Variants in ZFPM2 observed in about 807,000 individuals in gnomAD.
ZFPM2 encodes zinc finger protein ZFPM2.
In ZFPM2, 20 loss-of-function variants were observed where a neutral mutation model predicts 98.6. The ratio of observed to expected loss-of-function variants is 0.20; its 90% CI spans 0.14 to 0.29. The LOEUF is 0.29. Ranked by LOEUF, ZFPM2 falls within the 10% of genes least tolerant of loss-of-function variation. The pLI is 1.00. For synonymous variants in ZFPM2, 518 were observed against 502.7 expected (o/e 1.03, Z -0.41); for missense variants, 1,310 against 1,388.6 (o/e 0.94, Z 0.90).
intron 5 of ZFPM2, chr8:105,784,774 T>A (rs1482503527): frequency 7.1e-6 from 1 of 141,212 alleles, no homozygotes; most frequent in African/African-American, 3.0e-5. Flanking sequence ...GGCAGCCTGG[T>A]TCCATTGCCC....
intron 5 of ZFPM2, among the ~76,000 whole-genome samples, chr8:105,673,435 A>G (rs189306950): frequency 6.6e-6 from 1 of 152,222 alleles, no homozygotes; most frequent in East Asian, 1.9e-4. Context: ...CATGCCTATC[A>G]CATAAAATTC....
intron 1 of ZFPM2, among the ~76,000 whole-genome samples, chr8:105,377,048 C>T (rs1245116188): frequency 6.6e-6 from 1 of 152,162 alleles, no homozygotes; most frequent in East Asian, 1.9e-4. Context: ...CTTTCTCAGA[C>T]ATGCCATGTT....
intron 1 of ZFPM2, among the ~76,000 whole-genome samples, chr8:105,357,091 G>A (rs1470776910): frequency 7.2e-6 from 1 of 139,522 alleles, no homozygotes. Context: ...CTGTTCCGGT[G>A]AAGTAGTACT....
At chr8:105,461,603 T>C (rs551185765) in intron 3 of ZFPM2, among the ~76,000 whole-genome samples, 1 of 152,294 alleles carries the variant, frequency 6.6e-6, no homozygotes, top group South Asian at 2.1e-4. Flanking sequence ...AGGATTAATG[T>C]TGAGGTTGTA....
At chr8:105,602,636 T>A (rs1373960784) in intron 4 of ZFPM2, among the ~76,000 whole-genome samples, 1 of 152,126 alleles carries the variant, frequency 6.6e-6, no homozygotes, top group African/African-American at 2.4e-5. Flanking sequence ...ATGCCTGTGA[T>A]ACATATGTGT....
chr8:105,480,319 T>A (rs976281222), intron 3 of ZFPM2, among the ~76,000 whole-genome samples: 5 of 152,212 alleles, frequency 3.3e-5, no homozygotes, highest in African/African-American at 9.6e-5. Flanking sequence ...CCTTTCAGAA[T>A]CATTTCATCT....
At chr8:105,660,873 G>A (rs757158567) in intron 5 of ZFPM2, among the ~76,000 whole-genome samples, 30 of 152,054 alleles carry the variant, frequency 2.0e-4, no homozygotes, top group Admixed American at 1.9e-3. Context: ...ATCATAGAAA[G>A]CATCATATTG....
At chr8:105,732,671 C>G (rs1327818004) in intron 5 of ZFPM2, among the ~76,000 whole-genome samples, 4 of 151,812 alleles carry the variant, frequency 2.6e-5, no homozygotes, top group African/African-American at 9.7e-5. Context: ...CATTGAAAAT[C>G]TGAACAAAGC....
At position 105,444,357 on chromosome 8, in the gene ZFPM2, G is replaced by GAGA; in HGVS notation, c.278_280dup (p.Glu93_Thr94insLys). On this transcript the variant is annotated inframe_insertion, in exon 3 of 8. Coordinates refer to ENST00000407775, the MANE Select transcript of ZFPM2 (RefSeq NM_012082.4). ...AGAGAAACCGGGGCAACCTGGAGTT[G>GAGA]AGACAGACGACTGGGATGGACCAGG... is the stretch of plus-strand genomic sequence containing the variant. 2 of 1,612,186 alleles carry GAGA rather than the reference G, an allele frequency of 1.2e-6. No homozygotes were observed. The highest frequency in any genetic ancestry group is 1.7e-6 in the Non-Finnish European group (2 of 1,179,120).
At chr8:105,360,246 A>G (rs1812830912) in intron 1 of ZFPM2, among the ~76,000 whole-genome samples, 1 of 152,214 alleles carries the variant, frequency 6.6e-6, no homozygotes, top group Admixed American at 6.5e-5. Flanking sequence ...TATGGAGTTC[A>G]TTATTAGTTG....
chr8:105,719,774 C>T (rs1586218445), intron 5 of ZFPM2, among the ~76,000 whole-genome samples: 8 of 151,846 alleles, frequency 5.3e-5, no homozygotes. Context: ...CCACGACTGC[C>T]TATGTAAGAT....
At chr8:105,479,322 A>C (rs1010753792) in intron 3 of ZFPM2, among the ~76,000 whole-genome samples, 1 of 152,220 alleles carries the variant, frequency 6.6e-6, no homozygotes, top group Admixed American at 6.5e-5. Context: ...TCTATTGTCT[A>C]TAAAACCTGT....
At chr8:105,433,529 C>T (rs367737885) in intron 2 of ZFPM2, among the ~76,000 whole-genome samples, 19 of 152,024 alleles carry the variant, frequency 1.2e-4, no homozygotes, top group South Asian at 2.1e-4. Flanking sequence ...GGCTCATGCC[C>T]GTAATCTCAG....
intron 5 of ZFPM2, among the ~76,000 whole-genome samples, chr8:105,659,736 T>G (rs561918256): frequency 1.3e-5 from 2 of 152,310 alleles, no homozygotes; most frequent in African/African-American, 4.8e-5. Context: ...TAGAATTATG[T>G]TTTTTATTTG....
At chr8:105,411,954 G>A (rs1338182947) in intron 1 of ZFPM2, among the ~76,000 whole-genome samples, 1 of 151,710 alleles carries the variant, frequency 6.6e-6, no homozygotes, top group East Asian at 1.9e-4. Context: ...CTGCTTGCGA[G>A]GCTTGCACAT....
intron 1 of ZFPM2, among the ~76,000 whole-genome samples, chr8:105,390,658 A>G (rs960644098): frequency 6.6e-6 from 1 of 152,208 alleles, no homozygotes; most frequent in Non-Finnish European, 1.5e-5. Flanking sequence ...GAGAAATTCC[A>G]AGGGCTTTGG....
chr8:105,406,188 A>G (rs1786233205), intron 1 of ZFPM2, among the ~76,000 whole-genome samples: 1 of 152,044 alleles, frequency 6.6e-6, no homozygotes, highest in African/African-American at 2.4e-5. Context: ...CCTTTGTCAG[A>G]TGAGTAGGTT....
intron 5 of ZFPM2, among the ~76,000 whole-genome samples, chr8:105,709,461 G>A (rs893091850): frequency 6.6e-6 from 1 of 152,072 alleles, no homozygotes; most frequent in Non-Finnish European, 1.5e-5. Context: ...ACAGAGCTAA[G>A]ATTAAGAGGT....
chr8:105,704,553 GA>G (rs1811213587), intron 5 of ZFPM2, among the ~76,000 whole-genome samples: 1 of 152,160 alleles, frequency 6.6e-6, no homozygotes, highest in Non-Finnish European at 1.5e-5. Flanking sequence ...CCTTAGGAAG[GA>G]ATATTATCAA....
Sources: allele counts gnomAD v4.1 joint callset (sites outside exome capture counted in the v4.1 genomes callset), GRCh38; gene constraint gnomAD v4.1.1; transcripts MANE v1.5; gene names NCBI Gene and HGNC (gene_info 2026-07-23, HGNC 2026-07-21).